Variants in CNTNAP2 observed in about 807,000 individuals in gnomAD.
CNTNAP2 encodes the protein contactin-associated protein-like 2.
In CNTNAP2, 98 loss-of-function variants were observed where a neutral mutation model predicts 155.2. The observed-to-expected ratio is 0.63, with a 90% CI of 0.54 to 0.75. CNTNAP2 has a LOEUF of 0.75. CNTNAP2 is among the 30% of genes least tolerant of loss of function. CNTNAP2 has a pLI of 0.00. For synonymous variants in CNTNAP2, 651 were observed against 631.2 expected, an observed-to-expected ratio of 1.03 and a Z score of -0.47; for missense variants, 1,727 against 1,688.1, an observed-to-expected ratio of 1.02 and a Z score of -0.40.
intron 21 of CNTNAP2, among the ~76,000 whole-genome samples, chr7:148,330,631 A>G (rs1405924318): frequency 7.1e-6 from 1 of 141,746 alleles, no homozygotes; most frequent in Non-Finnish European, 1.5e-5. Context: ...CATGGAGTGG[A>G]CGGACGGAGT....
chr7:146,772,528 A>G (rs1802312875), intron 1 of CNTNAP2, among the ~76,000 whole-genome samples: 1 of 148,806 alleles, frequency 6.7e-6, no homozygotes, highest in Admixed American at 6.7e-5. Flanking sequence ...AAATAGCTGT[A>G]CTTGGTGGCA....
At chr7:146,308,255 A>G (rs1447753231) in intron 1 of CNTNAP2, among the ~76,000 whole-genome samples, 3 of 152,206 alleles carry the variant, frequency 2.0e-5, no homozygotes, top group African/African-American at 7.2e-5. Context: ...CATCAGAGAA[A>G]TGCAAATCAA....
chr7:147,636,754 T>G (rs1226525833), intron 12 of CNTNAP2, among the ~76,000 whole-genome samples: 1 of 152,202 alleles, frequency 6.6e-6, no homozygotes, highest in Admixed American at 6.5e-5. Context: ...TGCCAATTAT[T>G]GTGCAATCTC....
At chr7:148,236,153 G>A (rs944587754) in intron 20 of CNTNAP2, among the ~76,000 whole-genome samples, 1 of 152,132 alleles carries the variant, frequency 6.6e-6, no homozygotes, top group Non-Finnish European at 1.5e-5. Flanking sequence ...TTCATGTGCT[G>A]GTAAATGCAC....
chr7:146,466,928 A>G (rs1033313397), intron 1 of CNTNAP2, among the ~76,000 whole-genome samples: 1 of 152,192 alleles, frequency 6.6e-6, no homozygotes, highest in African/African-American at 2.4e-5. Flanking sequence ...GTAAAAATTA[A>G]TATGGTTTAC....
intron 15 of CNTNAP2, among the ~76,000 whole-genome samples, chr7:147,995,999 G>C (rs966938709): frequency 2.6e-5 from 4 of 152,170 alleles, no homozygotes; most frequent in Admixed American, 6.5e-5. Context: ...TTTTAAAAGA[G>C]AGACAATAAA....
At chr7:147,729,007 T>C (rs1445099802) in intron 13 of CNTNAP2, among the ~76,000 whole-genome samples, 1 of 148,650 alleles carries the variant, frequency 6.7e-6, no homozygotes, top group East Asian at 2.0e-4. Flanking sequence ...TTATGTATAA[T>C]GTATATAATA....
chr7:146,591,985 T>C (rs1490646285), intron 1 of CNTNAP2, among the ~76,000 whole-genome samples: 1 of 152,220 alleles, frequency 6.6e-6, no homozygotes, highest in African/African-American at 2.4e-5. Context: ...CCATCAGTTA[T>C]CAAAGCCAAA....
chr7:146,478,111 G>A (rs1398496325), intron 1 of CNTNAP2, among the ~76,000 whole-genome samples: 2 of 152,200 alleles, frequency 1.3e-5, no homozygotes, highest in Non-Finnish European at 1.5e-5. Context: ...GGCAGAGTGT[G>A]GAGGTTTAGT....
At chr7:146,836,779 A>G (rs757604627) in intron 2 of CNTNAP2, among the ~76,000 whole-genome samples, 1 of 152,194 alleles carries the variant, frequency 6.6e-6, no homozygotes, top group African/African-American at 2.4e-5. Context: ...TGAAAAACTT[A>G]TATTTTTATA....
intron 18 of CNTNAP2, chr7:148,190,402 A>G (rs1795186436): frequency 6.6e-6 from 1 of 152,216 alleles, no homozygotes; most frequent in South Asian, 2.1e-4. Flanking sequence ...TTGGGGAGCA[A>G]TCTGTTAGGT....
chr7:147,422,188 T>A lies in CNTNAP2; in HGVS notation c.1670+26408T>A, dbSNP rs1024595384. ...ATATATATAGTATGTATATATACAC[T>A]ATATAGTATGTATATATACACAATA... On this transcript the variant is annotated intron_variant, in intron 10 of 23. Coordinates refer to ENST00000361727, the MANE Select transcript of CNTNAP2 (RefSeq NM_014141.6). Among the ~76,000 whole-genome samples, 153 of 147,634 alleles carry A rather than the reference T, an allele frequency of 1.0e-3. 4 individuals are homozygous for A. The highest frequency in any genetic ancestry group is 2.7e-4 in the Non-Finnish European group (18 of 67,284).
At chr7:147,811,178 T>A (rs1462589599) in intron 13 of CNTNAP2, among the ~76,000 whole-genome samples, 5 of 152,150 alleles carry the variant, frequency 3.3e-5, no homozygotes, top group Non-Finnish European at 7.3e-5. Flanking sequence ...CACTGCAACC[T>A]CCACCTCCTG....
chr7:146,577,031 ATCAT>A (rs969998175), intron 1 of CNTNAP2, among the ~76,000 whole-genome samples: 25 of 152,166 alleles, frequency 1.6e-4, no homozygotes, highest in Non-Finnish European at 2.8e-4. Context: ...ATCACCTGCC[ATCAT>A]TCATTTTTGC....
At chr7:147,392,450 C>T (rs887858138) in intron 9 of CNTNAP2, among the ~76,000 whole-genome samples, 1 of 151,774 alleles carries the variant, frequency 6.6e-6, no homozygotes, top group Non-Finnish European at 1.5e-5. Flanking sequence ...GATTTTGGTG[C>T]ACCCATCACC....
intron 13 of CNTNAP2, among the ~76,000 whole-genome samples, chr7:147,898,497 A>G (rs994282921): frequency 6.6e-6 from 1 of 151,824 alleles, no homozygotes; most frequent in African/African-American, 2.4e-5. Context: ...AGTTATTACC[A>G]TGGAATTTTA....
intron 12 of CNTNAP2, among the ~76,000 whole-genome samples, chr7:147,632,772 ATGTGGGAAAGTTTGGAGACT>A (rs1373296491): frequency 6.6e-6 from 1 of 152,182 alleles, no homozygotes; most frequent in Non-Finnish European, 1.5e-5. Context: ...AGACAAGAAA[ATGTGGGAAAGTTTGGAGACT>A]TGTTGAATGG....
intron 13 of CNTNAP2, among the ~76,000 whole-genome samples, chr7:147,821,297 A>G (rs893120391): frequency 2.0e-5 from 3 of 152,158 alleles, no homozygotes; most frequent in African/African-American, 4.8e-5. Flanking sequence ...CATTGAAATA[A>G]TGTTTTCTAG....
At chr7:147,359,537 A>T (rs1796114021) in intron 9 of CNTNAP2, among the ~76,000 whole-genome samples, 1 of 151,688 alleles carries the variant, frequency 6.6e-6, no homozygotes, top group Non-Finnish European at 1.5e-5. Context: ...ACATCCTTGA[A>T]TCAGCCTTTA....
Sources: allele counts gnomAD v4.1 joint callset (sites outside exome capture counted in the v4.1 genomes callset), GRCh38; gene constraint gnomAD v4.1.1; transcripts MANE v1.5; gene names NCBI Gene and HGNC (gene_info 2026-07-23, HGNC 2026-07-21).